The following DPP10 variants were observed in gnomAD, a reference collection of about 807,000 sequenced individuals.
DPP10 encodes inactive dipeptidyl peptidase 10.
A neutral mutation model predicts 120.9 loss-of-function variants in DPP10; 33 were observed. The ratio of observed to expected loss-of-function variants is 0.27; its 90% CI spans 0.21 to 0.37. The LOEUF is 0.37. Ranked by LOEUF, DPP10 falls within the 10% of genes least tolerant of loss-of-function variation. The pLI is 1.00. For synonymous variants in DPP10, 337 were observed against 326.1 expected, an observed-to-expected ratio of 1.03 and a Z score of -0.36; for missense variants, 816 against 942.8, an observed-to-expected ratio of 0.87 and a Z score of 1.76.
chr2:114,446,725 T>A (rs1048932836), intron 1 of DPP10, among the ~76,000 whole-genome samples: 2 of 152,156 alleles, frequency 1.3e-5, no homozygotes, highest in African/African-American at 4.8e-5. Context: ...GCTGGCAAAC[T>A]TTTTCATGGT....
At chr2:114,541,649 G>A (rs2104806654) in intron 1 of DPP10, among the ~76,000 whole-genome samples, 1 of 152,228 alleles carries the variant, frequency 6.6e-6, no homozygotes, top group African/African-American at 2.4e-5. Context: ...TAACAGGGAA[G>A]AAATTAAGTA....
intron 1 of DPP10, among the ~76,000 whole-genome samples, chr2:115,232,336 G>T (rs935671401): frequency 6.6e-6 from 1 of 151,892 alleles, no homozygotes; most frequent in Admixed American, 6.6e-5. Context: ...AAAAAAAAAA[G>T]GTTTTTAGGT....
At chr2:115,724,916 C>G (rs1283953603) in intron 7 of DPP10, among the ~76,000 whole-genome samples, 1 of 152,060 alleles carries the variant, frequency 6.6e-6, no homozygotes, top group Non-Finnish European at 1.5e-5. Context: ...CACACACTTT[C>G]GAACAGCCAG....
intron 3 of DPP10, among the ~76,000 whole-genome samples, chr2:115,418,174 G>A (rs1309125274): frequency 6.6e-6 from 1 of 152,144 alleles, no homozygotes; most frequent in African/African-American, 2.4e-5. Flanking sequence ...GAGAAACAGA[G>A]GATTCAAGGA....
At position 115,265,899 on chromosome 2, in the gene DPP10, A is replaced by T. The variant is rs546619653; in HGVS notation, c.61-43340A>T. 3.2e-4 allele frequency among the ~76,000 whole-genome samples: 48 copies of T among 151,676 alleles called. 2 individuals carry two copies. In the South Asian group the frequency reaches 9.6e-3, roughly 30 times the overall value. ...GTTGAGACTGCAGTGAGCTCAGATCATGCCACTGCAATCCAGCCTGAGCGA... is the reference window on the plus strand; with the variant it reads ...GTTGAGACTGCAGTGAGCTCAGATCTTGCCACTGCAATCCAGCCTGAGCGA... On this transcript the variant is annotated intron_variant, in intron 1 of 25. Coordinates refer to ENST00000410059, the MANE Select transcript of DPP10 (RefSeq NM_020868.6).
chr2:114,533,933 T>C (rs1048479240), intron 1 of DPP10, among the ~76,000 whole-genome samples: 2 of 152,202 alleles, frequency 1.3e-5, no homozygotes, highest in African/African-American at 4.8e-5. Context: ...CATTCACTTC[T>C]AGGAACTTCT....
intron 1 of DPP10, among the ~76,000 whole-genome samples, chr2:114,862,566 A>G (rs943117365): frequency 6.6e-6 from 1 of 152,232 alleles, no homozygotes; most frequent in African/African-American, 2.4e-5. Context: ...CAATGATAAA[A>G]GAAAAAAGAA....
At chr2:115,666,415 C>A (rs751317726) in intron 5 of DPP10, among the ~76,000 whole-genome samples, 2 of 152,038 alleles carry the variant, frequency 1.3e-5, no homozygotes, top group African/African-American at 4.8e-5. Flanking sequence ...CTCACTATCA[C>A]GAGAACATCA....
At chr2:115,546,369 G>A (rs2079501912) in intron 5 of DPP10, among the ~76,000 whole-genome samples, 1 of 152,096 alleles carries the variant, frequency 6.6e-6, no homozygotes, top group African/African-American at 2.4e-5. Context: ...TGCATATTCT[G>A]CAGTTGTATT....
chr2:115,783,778 A>T (rs1193857056), intron 17 of DPP10, among the ~76,000 whole-genome samples: 2 of 152,186 alleles, frequency 1.3e-5, no homozygotes, highest in Non-Finnish European at 2.9e-5. Context: ...TGAATCTCAT[A>T]GATAGAACTA....
At chr2:115,561,351 T>A (rs2080654245) in intron 5 of DPP10, among the ~76,000 whole-genome samples, 2 of 77,912 alleles carry the variant, frequency 2.6e-5, no homozygotes, top group African/African-American at 5.4e-5. Flanking sequence ...AGAGCAAGAC[T>A]CCATCACAAA....
At chr2:115,019,604 T>C (rs1702922318) in intron 1 of DPP10, among the ~76,000 whole-genome samples, 1 of 151,796 alleles carries the variant, frequency 6.6e-6, no homozygotes, top group Non-Finnish European at 1.5e-5. Context: ...AGGGTATAAT[T>C]GAGGAAAACT....
intron 1 of DPP10, among the ~76,000 whole-genome samples, chr2:114,755,857 AT>A (rs1229432053): frequency 6.7e-6 from 1 of 149,764 alleles, no homozygotes; most frequent in Non-Finnish European, 1.5e-5. Flanking sequence ...GCATATCTTT[AT>A]TTTTCCTTTT....
At chr2:115,464,741 A>G (rs1342732437) in intron 3 of DPP10, among the ~76,000 whole-genome samples, 1 of 152,116 alleles carries the variant, frequency 6.6e-6, no homozygotes, top group Non-Finnish European at 1.5e-5. Context: ...AGACAGGTAT[A>G]ATATCAATAG....
At chr2:115,009,596 A>T in intron 1 of DPP10, among the ~76,000 whole-genome samples, 1 of 149,658 alleles carries the variant, frequency 6.7e-6, no homozygotes, top group Admixed American at 6.6e-5. Context: ...GAAAAAAAAA[A>T]AAAGAAAAGA....
chr2:115,466,647 G>C (rs778655620), intron 3 of DPP10, among the ~76,000 whole-genome samples: 1 of 152,072 alleles, frequency 6.6e-6, no homozygotes, highest in Non-Finnish European at 1.5e-5. Context: ...AATAGAAAGG[G>C]TTACATAATA....
intron 21 of DPP10, among the ~76,000 whole-genome samples, chr2:115,829,747 T>G (rs925388154): frequency 3.9e-5 from 6 of 152,072 alleles, no homozygotes; most frequent in Non-Finnish European, 5.9e-5. Flanking sequence ...TAACTATTGC[T>G]TATTATTTGT....
At chr2:115,686,554 C>T (rs938561743) in intron 5 of DPP10, among the ~76,000 whole-genome samples, 1 of 151,972 alleles carries the variant, frequency 6.6e-6, no homozygotes, top group African/African-American at 2.4e-5. Flanking sequence ...TGAAAATTGT[C>T]TATACCACTT....
chr2:114,612,415 C>T (rs1693353676), intron 1 of DPP10, among the ~76,000 whole-genome samples: 1 of 152,196 alleles, frequency 6.6e-6, no homozygotes, highest in South Asian at 2.1e-4. Context: ...ACCATTTACT[C>T]AGTAAAAGAG....
Sources: allele counts gnomAD v4.1 joint callset (sites outside exome capture counted in the v4.1 genomes callset), GRCh38; gene constraint gnomAD v4.1.1; transcripts MANE v1.5; gene names NCBI Gene and HGNC (gene_info 2026-07-23, HGNC 2026-07-21).